The following SYBU variants were observed in gnomAD, a reference collection of about 807,000 sequenced individuals.
SYBU encodes syntabulin.
Under a neutral mutation model 35.9 loss-of-function variants are expected in SYBU, and 21 were observed. The ratio of observed to expected loss-of-function variants is 0.58; its 90% CI spans 0.41 to 0.84. SYBU has a LOEUF of 0.84. Ranked by LOEUF, SYBU falls within the 40% of genes least tolerant of loss-of-function variation. The pLI is 0.00. For missense variants in SYBU, 768 were observed against 848.2 expected (o/e 0.91, Z 1.17); for synonymous variants, 319 against 324.3 (o/e 0.98, Z 0.18).
At chr8:109,605,211 GA>G (rs1460076812) in intron 3 of SYBU, among the ~76,000 whole-genome samples, 1 of 152,220 alleles carries the variant, frequency 6.6e-6, no homozygotes, top group Non-Finnish European at 1.5e-5. Context: ...CAATGGAATA[GA>G]AAGTGGGGCA....
At chr8:109,663,741 A>C (rs1816658140) in intron 1 of SYBU, among the ~76,000 whole-genome samples, 1 of 151,780 alleles carries the variant, frequency 6.6e-6, no homozygotes, top group East Asian at 1.9e-4. Flanking sequence ...CCTGTATTTT[A>C]CAGTGATTTT....
chr8:109,574,245 A>AGTGT lies in SYBU; in HGVS notation c.*657_*660dup, dbSNP rs1196754116. On this transcript the variant is annotated 3_prime_UTR_variant, in exon 7 of 7. Transcript: ENST00000276646. ...CTAATCTTTATTTTCATCATGCTGA[A>AGTGT]GTGTGTGGTTACAATTTCCAATAAA... is the stretch of plus-strand genomic sequence containing the variant. The AGTGT allele has an allele frequency of 2.0e-5, 3 of 152,642 alleles. No individual in the cohort carries two copies. The highest frequency in any genetic ancestry group is 7.2e-5 in the African/African-American group (3 of 41,456). The allele number at this position is 152,642 out of a possible 1,614,324, so 9.5% of individuals were successfully genotyped here.
chr8:109,617,090 C>G (rs776085235), intron 3 of SYBU, among the ~76,000 whole-genome samples: 79 of 151,850 alleles, frequency 5.2e-4, no homozygotes, highest in Non-Finnish European at 6.9e-4. Context: ...GAGCCAAGAT[C>G]GCACCACTGC....
intron 1 of SYBU, among the ~76,000 whole-genome samples, chr8:109,669,657 A>G (rs1816904666): frequency 1.3e-5 from 2 of 152,194 alleles, no homozygotes; most frequent in African/African-American, 4.8e-5. Context: ...CTCTTCTCCA[A>G]CTTGTCCAAG....
At chr8:109,679,340 C>G (rs1586997837) in intron 1 of SYBU, among the ~76,000 whole-genome samples, 1 of 152,192 alleles carries the variant, frequency 6.6e-6, no homozygotes, top group African/African-American at 2.4e-5. Context: ...GTAGCTCATG[C>G]TGCTGCTCTG....
intron 3 of SYBU, among the ~76,000 whole-genome samples, chr8:109,610,266 G>C (rs1811026027): frequency 6.6e-6 from 1 of 152,166 alleles, no homozygotes; most frequent in Non-Finnish European, 1.5e-5. Context: ...CCACGTTAAA[G>C]GTAGGCATCT....
intron 1 of SYBU, among the ~76,000 whole-genome samples, chr8:109,689,359 T>C (rs756002722): frequency 5.9e-5 from 9 of 152,162 alleles, no homozygotes; most frequent in Non-Finnish European, 1.3e-4. Context: ...TGAGACAAGG[T>C]TTTGATCTGT....
At chr8:109,608,410 C>T (rs569437492) in intron 3 of SYBU, among the ~76,000 whole-genome samples, 23 of 152,106 alleles carry the variant, frequency 1.5e-4, no homozygotes, top group Non-Finnish European at 2.4e-4. Context: ...AATTTTATGG[C>T]AAACACCAAG....
intron 3 of SYBU, among the ~76,000 whole-genome samples, chr8:109,599,072 C>A (rs143716415): frequency 6.6e-6 from 1 of 152,200 alleles, no homozygotes; most frequent in South Asian, 2.1e-4. Flanking sequence ...AAAGTGTTTG[C>A]TTGCACTGAA....
In SYBU at chr8:109,615,997, C is replaced by CTTTCTTTT. The variant is rs1268400259; in HGVS notation, c.427+2844_427+2845insAAAAGAAA. On this transcript the variant is annotated intron_variant, in intron 3 of 6. Transcript: ENST00000276646. ...TATTCCCTGTAATTTCTTTTCTTTT[C>CTTTCTTTT]TTTTCTTTCTTTTTTTTTTTTTTTT... Among the ~76,000 whole-genome samples the CTTTCTTTT allele has an allele frequency of 2.5e-3, 236 of 95,828 alleles. 12 individuals are homozygous for CTTTCTTTT. The highest frequency in any genetic ancestry group is 6.2e-3 in the African/African-American group (128 of 20,592). 62.9% of individuals were successfully genotyped at this position (95,828 alleles called of 152,430 possible). A position where few individuals can be genotyped will look rare whatever the true frequency, so the allele number is the denominator to read the frequency against.
rs781412338 is a variant in SYBU, at chr8:109,586,196, G to A, written c.428-34C>T. 5 of 1,495,730 alleles carry A rather than the reference G, an allele frequency of 3.3e-6. No individual in the cohort carries two copies. The African/African-American group carries it at 4.1e-5, about 12-fold the overall frequency. 92.7% of individuals were successfully genotyped at this position (1,495,730 alleles called of 1,614,324 possible). On this transcript the variant is annotated intron_variant, in intron 3 of 6. Transcript: ENST00000276646. ...CAACAGGGGAGAGAGAAGCGTGAGGGAAAGGAAACTAGAGAACACATTGGC... is the reference window on the plus strand; with the variant it reads ...CAACAGGGGAGAGAGAAGCGTGAGGAAAAGGAAACTAGAGAACACATTGGC...
intron 4 of SYBU, 85 bp from the exon 5 acceptor site, chr8:109,580,087 A>T (rs558600977): frequency 7.7e-7 from 1 of 1,290,712 alleles, no homozygotes; most frequent in South Asian, 1.2e-5. Flanking sequence ...ATCTAAGGAA[A>T]TCCAATTTAT....
At chr8:109,682,034 A>G (rs927789624), upstream of SYBU, among the ~76,000 whole-genome samples, 4 of 152,152 alleles carry the variant, frequency 2.6e-5, no homozygotes, top group Non-Finnish European at 4.4e-5. Flanking sequence ...TTCCCAAGCC[A>G]TCCAAAACTG....
intron 1 of SYBU, among the ~76,000 whole-genome samples, chr8:109,652,326 C>T (rs774165640): frequency 6.7e-6 from 1 of 149,570 alleles, no homozygotes; most frequent in Non-Finnish European, 1.5e-5. Flanking sequence ...TTCCTCTCCT[C>T]TCTTCCTCCT....
chr8:109,576,897 C>T (rs1397985195), intron 6 of SYBU, among the ~76,000 whole-genome samples: 1 of 152,080 alleles, frequency 6.6e-6, no homozygotes, highest in Admixed American at 6.5e-5. Flanking sequence ...AGAATATTTT[C>T]CCAAGTTTTG....
chr8:109,645,507 CAGCACACTGCTAAGGGAAG>C, upstream of SYBU: 3 of 362,484 alleles, frequency 8.3e-6, no homozygotes, highest in South Asian at 6.2e-5. Flanking sequence ...GAAGTAGCTC[CAGCACACTGCTAAGGGAAG>C]AGCACTGGAA....
chr8:109,680,650 A>T (rs1424197627), intron 1 of SYBU: 2 of 152,368 alleles, frequency 1.3e-5, no homozygotes, highest in Admixed American at 1.3e-4. Context: ...CAAATCTTTG[A>T]CAAGAATATA....
chr8:109,657,618 AATACAAATCAT>A (rs1816404152), intron 1 of SYBU, among the ~76,000 whole-genome samples: 1 of 152,320 alleles, frequency 6.6e-6, no homozygotes, highest in African/African-American at 2.4e-5. Flanking sequence ...ATGACTGCAG[AATACAAATCAT>A]ATGATAAATA....
At chr8:109,648,632 A>G (rs1173632652), upstream of SYBU, 3 of 152,156 alleles carry the variant, frequency 2.0e-5, no homozygotes, top group African/African-American at 4.8e-5. Flanking sequence ...AAACGCCTGC[A>G]CCAAACAACC....
Sources: allele counts gnomAD v4.1 joint callset (sites outside exome capture counted in the v4.1 genomes callset), GRCh38; gene constraint gnomAD v4.1.1; transcripts MANE v1.5; gene names NCBI Gene and HGNC (gene_info 2026-07-23, HGNC 2026-07-21).